Variants in PDZD2 observed in about 807,000 individuals in gnomAD.
PDZD2 encodes PDZ domain-containing protein 2.
PDZD2 carries 90 observed loss-of-function variants against 220.7 expected under a neutral mutation model. The observed-to-expected ratio is 0.41, with a 90% CI of 0.34 to 0.49. The LOEUF (loss-of-function observed/expected upper bound fraction) is 0.49, where lower values mean the gene tolerates loss of function less well. Among genes scored for constraint, PDZD2 ranks in the 20% least tolerant of loss-of-function variants. The pLI, the probability that PDZD2 is intolerant of heterozygous loss-of-function variation, is 0.28. For synonymous variants in PDZD2, 1,375 were observed against 1,450.5 expected, an observed-to-expected ratio of 0.95 and a Z score of 1.18; for missense variants, 3,174 against 3,608.5, an observed-to-expected ratio of 0.88 and a Z score of 3.08.
intron 1 of PDZD2, among the ~76,000 whole-genome samples, chr5:31,720,338 A>T (rs574337563): frequency 3.3e-5 from 5 of 152,244 alleles, no homozygotes; most frequent in African/African-American, 1.2e-4. Context: ...GCAGGTATCC[A>T]TTCTAAGCTC....
intron 2 of PDZD2, chr5:31,840,443 TA>T (rs60759288): frequency 0.026 from 2,740 of 104,924 alleles, 367 homozygotes; most frequent in African/African-American, 0.044. Context: ...TATATATATA[TA>T]TATATTTGTT....
chr5:31,756,911 CA>C (rs1751335931), intron 1 of PDZD2, among the ~76,000 whole-genome samples: 1 of 152,206 alleles, frequency 6.6e-6, no homozygotes, highest in Non-Finnish European at 1.5e-5. Flanking sequence ...AATAAAGAAA[CA>C]AAGCAAAAAC....
chr5:32,069,390 T>C (rs569594011), intron 14 of PDZD2, among the ~76,000 whole-genome samples, 179 bp from the exon 15 acceptor site: 8 of 152,274 alleles, frequency 5.3e-5, no homozygotes, highest in African/African-American at 1.7e-4. Context: ...AGTCTTGTTA[T>C]GTGTGTGTTG....
chr5:31,982,065 C>A (rs1226920279), intron 2 of PDZD2, among the ~76,000 whole-genome samples: 1 of 152,242 alleles, frequency 6.6e-6, no homozygotes, highest in Non-Finnish European at 1.5e-5. Flanking sequence ...TGCTGAGCGT[C>A]CTTTATTCCT....
chr5:31,816,169 T>TCCCCCCCC, intron 2 of PDZD2, among the ~76,000 whole-genome samples: 1 of 151,816 alleles, frequency 6.6e-6, no homozygotes, highest in Admixed American at 6.6e-5. Flanking sequence ...GCGCCTGTAG[T>TCCCCCCCC]CCCAGCTACT....
chr5:32,035,549 T>C (rs1755469940), intron 6 of PDZD2, among the ~76,000 whole-genome samples: 1 of 151,998 alleles, frequency 6.6e-6, no homozygotes, highest in Admixed American at 6.6e-5. Context: ...CCCAGGCTGC[T>C]GATGTTGACC....
chr5:31,952,833 G>T (rs990816066), intron 2 of PDZD2, among the ~76,000 whole-genome samples: 1 of 152,182 alleles, frequency 6.6e-6, no homozygotes, highest in African/African-American at 2.4e-5. Context: ...GCCAAGGCAG[G>T]TGGATCACCT....
chr5:31,931,314 T>A (rs7723728), intron 2 of PDZD2, among the ~76,000 whole-genome samples: 2 of 151,818 alleles, frequency 1.3e-5, no homozygotes, highest in African/African-American at 2.4e-5. Context: ...TACACCACTA[T>A]GCCTGGCTAA....
chr5:31,740,664 A>G (rs770841539), intron 1 of PDZD2, among the ~76,000 whole-genome samples: 6 of 151,710 alleles, frequency 4.0e-5, no homozygotes, highest in African/African-American at 1.2e-4. Flanking sequence ...AGCTGAACCA[A>G]TTGAGAAGTC....
rs1035895806 is a variant in PDZD2, at chr5:31,965,880, G to A, written c.477-17275G>A. On this transcript the variant is annotated intron_variant, in intron 2 of 24. Coordinates refer to ENST00000438447, the MANE Select transcript of PDZD2 (RefSeq NM_178140.4). ...CACCATTGCACTCCAGCCTGGGCAA[G>A]AGTGAAACTCCGTCTCCAAAAAAAA... is the stretch of plus-strand genomic sequence containing the variant. 2.0e-5 allele frequency among the ~76,000 whole-genome samples: 3 copies of A among 152,134 alleles called. No homozygotes were observed. The South Asian group carries it at 6.2e-4, about 32-fold the overall frequency.
intron 2 of PDZD2, among the ~76,000 whole-genome samples, chr5:31,919,776 A>G (rs1344372025): frequency 1.3e-5 from 2 of 150,640 alleles, no homozygotes; most frequent in East Asian, 3.9e-4. Context: ...TATCGGGGAG[A>G]ATGAGACAGG....
At chr5:32,041,687 C>T in intron 7 of PDZD2, among the ~76,000 whole-genome samples, 1 of 151,864 alleles carries the variant, frequency 6.6e-6, no homozygotes, top group Non-Finnish European at 1.5e-5. Context: ...CTCAAGTACC[C>T]AGGGACACAA....
At chr5:31,970,362 T>C (rs907087149) in intron 2 of PDZD2, among the ~76,000 whole-genome samples, 4 of 151,836 alleles carry the variant, frequency 2.6e-5, no homozygotes, top group Non-Finnish European at 5.9e-5. Flanking sequence ...AGTGACAAGA[T>C]TGTAAAGAGT....
intron 1 of PDZD2, among the ~76,000 whole-genome samples, chr5:31,790,225 G>A (rs1295887820): frequency 2.6e-5 from 4 of 151,988 alleles, no homozygotes; most frequent in African/African-American, 9.7e-5. Context: ...AGCCTCCCGA[G>A]TAGCTAGGAC....
intron 1 of PDZD2, among the ~76,000 whole-genome samples, chr5:31,667,052 C>G (rs1195083704): frequency 6.6e-6 from 1 of 151,784 alleles, no homozygotes; most frequent in Non-Finnish European, 1.5e-5. Context: ...CTGGCTAACA[C>G]GGTGAAACCC....
At chr5:31,771,978 G>A (rs1752365282) in intron 1 of PDZD2, among the ~76,000 whole-genome samples, 1 of 152,178 alleles carries the variant, frequency 6.6e-6, no homozygotes, top group African/African-American at 2.4e-5. Flanking sequence ...GAATCACAAT[G>A]TGTAAATCAA....
At chr5:32,099,196 G>A (rs184457838) in intron 23 of PDZD2, 26 of 153,356 alleles carry the variant, frequency 1.7e-4, no homozygotes, top group Admixed American at 3.2e-4. Flanking sequence ...TCAGAACCAC[G>A]TGCAGCGTCT....
chr5:32,008,632 A>G (rs1248489394), intron 5 of PDZD2, among the ~76,000 whole-genome samples: 2 of 152,108 alleles, frequency 1.3e-5, no homozygotes, highest in African/African-American at 4.8e-5. Flanking sequence ...TGAGCACAGG[A>G]GCAGGAAGGA....
chr5:32,036,255 A>G (rs941862951), intron 6 of PDZD2, among the ~76,000 whole-genome samples: 3 of 152,094 alleles, frequency 2.0e-5, no homozygotes, highest in African/African-American at 7.2e-5. Context: ...GGCCTCATCA[A>G]CCTTTCTTTA....
Sources: allele counts gnomAD v4.1 joint callset (sites outside exome capture counted in the v4.1 genomes callset), GRCh38; gene constraint gnomAD v4.1.1; transcripts MANE v1.5; gene names NCBI Gene and HGNC (gene_info 2026-07-23, HGNC 2026-07-21).